Variants in NLGN1 observed in about 807,000 individuals in gnomAD.
NLGN1 encodes the protein neuroligin-1.
Under a neutral mutation model 65.5 loss-of-function variants are expected in NLGN1, and 12 were observed. That is an observed-to-expected ratio of 0.18 (90% CI 0.12 to 0.30). The LOEUF is 0.30. Among genes scored for constraint, NLGN1 ranks in the 10% least tolerant of loss-of-function variants. NLGN1 has a pLI of 1.00. For synonymous variants in NLGN1, 350 were observed against 359.5 expected (o/e 0.97, Z 0.30); for missense variants, 750 against 1,007.1 (o/e 0.74, Z 3.46).
intron 3 of NLGN1, among the ~76,000 whole-genome samples, chr3:173,665,707 T>G (rs1209866895): frequency 1.3e-5 from 2 of 152,126 alleles, no homozygotes; most frequent in Non-Finnish European, 2.9e-5. Context: ...TAAAAAGATA[T>G]GTATTTCAAT....
chr3:173,801,206 C>T (rs1199826456), intron 3 of NLGN1, among the ~76,000 whole-genome samples: 2 of 151,950 alleles, frequency 1.3e-5, no homozygotes, highest in Non-Finnish European at 1.5e-5. Context: ...TTCTGATTTA[C>T]TCTGTAAACC....
intron 4 of NLGN1, among the ~76,000 whole-genome samples, chr3:173,828,973 T>C (rs2150578821): frequency 6.6e-6 from 1 of 152,128 alleles, no homozygotes; most frequent in African/African-American, 2.4e-5. Context: ...CTTTAAGCAA[T>C]AATGCCATGA....
At chr3:173,951,956 G>A (rs1748300384) in intron 4 of NLGN1, among the ~76,000 whole-genome samples, 1 of 152,048 alleles carries the variant, frequency 6.6e-6, no homozygotes, top group Non-Finnish European at 1.5e-5. Context: ...CATAACTTAT[G>A]CATAGTGCAA....
intron 4 of NLGN1, among the ~76,000 whole-genome samples, chr3:173,848,282 T>C (rs1187161635): frequency 6.6e-6 from 1 of 152,124 alleles, no homozygotes; most frequent in Non-Finnish European, 1.5e-5. Flanking sequence ...AAATCCTCAT[T>C]TCACACTTAT....
intron 3 of NLGN1, among the ~76,000 whole-genome samples, chr3:173,747,363 AAG>A (rs10579983): frequency 0.63 from 90,734 of 142,926 alleles, 29,287 homozygotes; most frequent in East Asian, 0.86. Flanking sequence ...TATATACTTA[AAG>A]ATATATATAT....
intron 4 of NLGN1, among the ~76,000 whole-genome samples, chr3:174,077,174 A>C (rs1741193033): frequency 6.6e-6 from 1 of 152,024 alleles, no homozygotes; most frequent in Non-Finnish European, 1.5e-5. Context: ...AGATAAAAAT[A>C]TATTTCTTTC....
chr3:174,208,664 GAAAAA>G (rs35797766), intron 4 of NLGN1, among the ~76,000 whole-genome samples: 5 of 144,288 alleles, frequency 3.5e-5, no homozygotes, highest in Admixed American at 6.9e-5. Context: ...CCATTATAGG[GAAAAA>G]AAAAAAAAAA....
intron 2 of NLGN1, among the ~76,000 whole-genome samples, chr3:173,522,824 A>C (rs62291331): frequency 2.2e-4 from 33 of 152,108 alleles, no homozygotes; most frequent in Non-Finnish European, 4.3e-4. Context: ...TTCTGATTTT[A>C]GTCCTTTGAG....
chr3:174,143,458 C>T (rs1258212530), intron 4 of NLGN1, among the ~76,000 whole-genome samples: 4 of 152,154 alleles, frequency 2.6e-5, no homozygotes, highest in Non-Finnish European at 5.9e-5. Flanking sequence ...TCTGGTCTCC[C>T]TCAAGATGTC....
intron 2 of NLGN1, among the ~76,000 whole-genome samples, chr3:173,542,739 C>T (rs1231897182): frequency 2.0e-5 from 3 of 151,930 alleles, no homozygotes; most frequent in Non-Finnish European, 2.9e-5. Context: ...GTCTCATCTC[C>T]CAACTCTGGT....
chr3:173,578,918 A>G (rs961771406), intron 2 of NLGN1, among the ~76,000 whole-genome samples: 2 of 152,220 alleles, frequency 1.3e-5, no homozygotes, highest in African/African-American at 2.4e-5. Flanking sequence ...GGAAATTTCT[A>G]TATTTTTCAA....
intron 2 of NLGN1, among the ~76,000 whole-genome samples, chr3:173,513,999 T>C (rs1733419628): frequency 6.6e-6 from 1 of 152,168 alleles, no homozygotes; most frequent in South Asian, 2.1e-4. Context: ...ATACATTGTG[T>C]AACAATGTAA....
chr3:173,450,956 C>G (rs1721387885), intron 2 of NLGN1, among the ~76,000 whole-genome samples: 3 of 152,122 alleles, frequency 2.0e-5, no homozygotes, highest in Admixed American at 2.0e-4. Flanking sequence ...TCTAGTTATC[C>G]ATTCATCTAA....
At chr3:174,109,783 G>C (rs576451619) in intron 4 of NLGN1, among the ~76,000 whole-genome samples, 1 of 152,060 alleles carries the variant, frequency 6.6e-6, no homozygotes, top group African/African-American at 2.4e-5. Flanking sequence ...TTCCAGTTTT[G>C]TGTTTAATGT....
At chr3:173,892,821 G>A (rs1022924682) in intron 4 of NLGN1, among the ~76,000 whole-genome samples, 4 of 152,126 alleles carry the variant, frequency 2.6e-5, no homozygotes, top group Non-Finnish European at 1.5e-5. Context: ...GAGAGGCACC[G>A]TCATAACCCC....
chr3:173,864,802 T>C (rs1017817015), intron 4 of NLGN1, among the ~76,000 whole-genome samples: 2 of 152,114 alleles, frequency 1.3e-5, no homozygotes, highest in African/African-American at 2.4e-5. Flanking sequence ...AGAAAGATTG[T>C]TAAAGCAAAT....
intron 2 of NLGN1, among the ~76,000 whole-genome samples, chr3:173,577,704 A>C (rs1745725249): frequency 6.6e-6 from 1 of 152,170 alleles, no homozygotes; most frequent in Non-Finnish European, 1.5e-5. Context: ...ATCAGAAATA[A>C]TTTTATTCAC....
chr3:174,275,101 G>A (rs1399972308), intron 4 of NLGN1, among the ~76,000 whole-genome samples: 3 of 151,746 alleles, frequency 2.0e-5, no homozygotes, highest in African/African-American at 7.3e-5. Context: ...TAAGTTGGGA[G>A]GCATTTGGGG....
At chr3:173,702,152 T>C (rs987944028) in intron 3 of NLGN1, among the ~76,000 whole-genome samples, 3 of 143,062 alleles carry the variant, frequency 2.1e-5, no homozygotes, top group Admixed American at 1.4e-4. Context: ...GGCAGGAGAA[T>C]GGCGTGAACC....
Sources: allele counts gnomAD v4.1 joint callset (sites outside exome capture counted in the v4.1 genomes callset), GRCh38; gene constraint gnomAD v4.1.1; transcripts MANE v1.5; gene names NCBI Gene and HGNC (gene_info 2026-07-23, HGNC 2026-07-21).